Variants in CDKAL1 observed in about 807,000 individuals in gnomAD.
The protein encoded by CDKAL1 is threonylcarbamoyladenosine tRNA methylthiotransferase.
In CDKAL1, 32 loss-of-function variants were observed where a neutral mutation model predicts 68.2. That is an observed-to-expected ratio of 0.47 (90% CI 0.35 to 0.63). The LOEUF (loss-of-function observed/expected upper bound fraction) is 0.63. Among genes scored for constraint, CDKAL1 ranks in the 30% least tolerant of loss-of-function variants. CDKAL1 has a pLI of 0.00. For synonymous variants in CDKAL1, 234 were observed against 244.3 expected (o/e 0.96, Z 0.39); for missense variants, 606 against 696.7 (o/e 0.87, Z 1.47).
chr6:21,216,799 C>T (rs1304433851), intron 15 of CDKAL1, among the ~76,000 whole-genome samples: 3 of 152,184 alleles, frequency 2.0e-5, no homozygotes, highest in Non-Finnish European at 4.4e-5. Flanking sequence ...CCAAATCTTG[C>T]TAGAGCTTCT....
At chr6:21,110,490 A>G (rs1432782114) in intron 13 of CDKAL1, among the ~76,000 whole-genome samples, 2 of 152,210 alleles carry the variant, frequency 1.3e-5, no homozygotes, top group Non-Finnish European at 2.9e-5. Flanking sequence ...ACTTATATTC[A>G]AGCAAATTGG....
chr6:20,979,318 G>C (rs1214782048), intron 10 of CDKAL1, among the ~76,000 whole-genome samples: 3 of 152,174 alleles, frequency 2.0e-5, no homozygotes, highest in Admixed American at 6.5e-5. Context: ...AATGTACAAT[G>C]TGGTAATTGC....
intron 8 of CDKAL1, among the ~76,000 whole-genome samples, chr6:20,828,192 C>G (rs1333723850): frequency 6.6e-6 from 1 of 152,040 alleles, no homozygotes; most frequent in South Asian, 2.1e-4. Context: ...TAAAACAAAG[C>G]TAATTTCTAT....
chr6:20,977,997 TGTA>T (rs1472997854), intron 10 of CDKAL1, among the ~76,000 whole-genome samples: 1 of 152,194 alleles, frequency 6.6e-6, no homozygotes, highest in Non-Finnish European at 1.5e-5. Context: ...AATAAGCAAT[TGTA>T]GACTCAAAGT....
At chr6:20,780,478 T>C (rs554018043) in intron 7 of CDKAL1, among the ~76,000 whole-genome samples, 5 of 152,280 alleles carry the variant, frequency 3.3e-5, no homozygotes, top group Admixed American at 1.3e-4. Context: ...TTTTCTGCAA[T>C]GTAATGGCAG....
chr6:20,690,282 A>G (rs1289161999), intron 5 of CDKAL1, among the ~76,000 whole-genome samples: 1 of 152,204 alleles, frequency 6.6e-6, no homozygotes, highest in Non-Finnish European at 1.5e-5. Flanking sequence ...ATTTTATCCA[A>G]TTTTTTATTC....
intron 5 of CDKAL1, among the ~76,000 whole-genome samples, chr6:20,701,212 T>C (rs567204956): frequency 6.6e-6 from 1 of 151,356 alleles, no homozygotes; most frequent in South Asian, 2.1e-4. Context: ...TTAGAAAGGA[T>C]AGGGTTCTGA....
chr6:20,589,017 AAT>A (rs1234021245), intron 4 of CDKAL1, among the ~76,000 whole-genome samples: 1 of 152,196 alleles, frequency 6.6e-6, no homozygotes, highest in East Asian at 1.9e-4. Flanking sequence ...GTGATTTAAA[AAT>A]ATCACTACAA....
Position 21,231,047 on chromosome 6 carries a change from C to G in CDKAL1, c.*8C>G, listed in dbSNP as rs761979789. The G allele has an allele frequency of 3.8e-6, 6 of 1,568,360 alleles. No individual in the cohort carries two copies. The highest frequency in any genetic ancestry group is 1.8e-5 in the Admixed American group (1 of 56,436). On this transcript the variant is annotated 3_prime_UTR_variant, in exon 16 of 16. Coordinates refer to ENST00000274695, the MANE Select transcript of CDKAL1 (RefSeq NM_017774.3). ...GTCAAGGTCTATAATTAGAATACAA[C>G]TAATGGAAACATCTATAAAGAAGAA...
chr6:20,579,644 G>C (rs1274886905), intron 4 of CDKAL1, among the ~76,000 whole-genome samples: 1 of 152,128 alleles, frequency 6.6e-6, no homozygotes, highest in Non-Finnish European at 1.5e-5. Flanking sequence ...GAGTCACATA[G>C]GTAGTGCAAG....
intron 13 of CDKAL1, among the ~76,000 whole-genome samples, chr6:21,155,667 C>G (rs1776608097): frequency 6.6e-6 from 1 of 152,174 alleles, no homozygotes; most frequent in Non-Finnish European, 1.5e-5. Flanking sequence ...TTAGTTGATT[C>G]ACTTATAAGT....
At chr6:20,930,845 A>G (rs765919920) in intron 9 of CDKAL1, among the ~76,000 whole-genome samples, 7 of 151,898 alleles carry the variant, frequency 4.6e-5, no homozygotes, top group Non-Finnish European at 1.0e-4. Flanking sequence ...CCCAAGTTCA[A>G]GCAATTCTGC....
chr6:20,948,010 C>CTT (rs541978769), intron 9 of CDKAL1, among the ~76,000 whole-genome samples: 10,538 of 114,994 alleles, frequency 0.092, 771 homozygotes, highest in African/African-American at 0.2. Flanking sequence ...GTGAAGGTCA[C>CTT]TTTTTTTTTT....
chr6:20,718,640 T>C (rs923383120), intron 5 of CDKAL1, among the ~76,000 whole-genome samples: 2 of 152,196 alleles, frequency 1.3e-5, no homozygotes, highest in Non-Finnish European at 2.9e-5. Context: ...TTTTTACAAA[T>C]GGATATATGA....
chr6:20,980,179 G>A (rs946601942), intron 10 of CDKAL1, among the ~76,000 whole-genome samples: 1 of 146,806 alleles, frequency 6.8e-6, no homozygotes, highest in Non-Finnish European at 1.5e-5. Flanking sequence ...CTGATTAGAA[G>A]CCTCCAAAGA....
chr6:20,988,180 A>AAATG (rs1554153502), intron 10 of CDKAL1, among the ~76,000 whole-genome samples: 6 of 34,298 alleles, frequency 1.7e-4, no homozygotes, highest in African/African-American at 4.7e-4. Flanking sequence ...AAGAAACATA[A>AAATG]TATGTGTGTG....
chr6:20,999,717 T>C (rs867215380), intron 10 of CDKAL1, among the ~76,000 whole-genome samples: 1 of 150,048 alleles, frequency 6.7e-6, no homozygotes, highest in African/African-American at 2.5e-5. Flanking sequence ...TAGAGTTTTT[T>C]TCCTGATTTT....
chr6:20,858,814 A>G (rs1443015874), intron 9 of CDKAL1, among the ~76,000 whole-genome samples: 1 of 152,188 alleles, frequency 6.6e-6, no homozygotes, highest in Non-Finnish European at 1.5e-5. Context: ...GTAATGTATG[A>G]TCACAATTAC....
chr6:20,961,136 A>G (rs114045935), intron 10 of CDKAL1, among the ~76,000 whole-genome samples: 1,555 of 152,358 alleles, frequency 0.01, 24 homozygotes, highest in African/African-American at 0.034. Flanking sequence ...AGACACATGC[A>G]TGCATATGTT....
Sources: gnomAD v4.1 joint callset for allele counts (sites outside exome capture counted in the v4.1 genomes callset) on GRCh38, gnomAD v4.1.1 for gene constraint, MANE v1.5 for transcripts, NCBI Gene and HGNC (gene_info 2026-07-23, HGNC 2026-07-21) for gene names.